The following HECTD4 variants were observed in gnomAD, a reference collection of about 807,000 sequenced individuals.
HECTD4 encodes HECT domain E3 ubiquitin protein ligase 4.
Under a neutral mutation model 471.5 loss-of-function variants are expected in HECTD4, and 114 were observed. The ratio of observed to expected loss-of-function variants is 0.24; its 90% confidence interval spans 0.21 to 0.28. The LOEUF is 0.28. HECTD4 is among the 10% of genes least tolerant of loss of function. HECTD4 has a pLI of 1.00. For missense variants in HECTD4, 3,866 were observed against 5,651.5 expected (o/e 0.68, Z 10.13); for synonymous variants, 2,012 against 2,256.0 (o/e 0.89, Z 3.07).
chr12:112,243,269 C>G lies in HECTD4; in HGVS notation c.4958+84G>C. 8.3e-7 allele frequency: 1 copy of G among 1,208,752 alleles called. No homozygotes were observed. Among genetic ancestry groups the G allele is most frequent in the Non-Finnish European group, 1.2e-6 (1 of 861,902 alleles). 74.9% of individuals were successfully genotyped at this position (1,208,752 alleles called of 1,614,324 possible). A position where few individuals can be genotyped will look rare whatever the true frequency, so the allele number is the denominator to read the frequency against. On this transcript the variant is annotated intron_variant, in intron 32 of 75. Transcript: ENST00000682272. The surrounding 1 kb of genome is among the most constrained non-coding windows in gnomAD (Gnocchi z 6.6). ...AGGAAAACATTAGCAAATACTACCG[C>G]CTATGTTTGGGTCCCAAGAATAATC...
In HECTD4 at chr12:112,253,282, G is replaced by A. The variant is rs138891862; in HGVS notation, c.3448-754C>T. 2.2e-3 allele frequency among the ~76,000 whole-genome samples: 329 copies of A among 151,928 alleles called. 2 individuals are homozygous for A. Among genetic ancestry groups the A allele is most frequent in the Admixed American group, 4.3e-3 (66 of 15,252 alleles). ...TGGCATGACAGACACACACCACCAC[G>A]CCCGGCTAATTTTTGTATTTTTAGT... On this transcript the variant is annotated intron_variant, in intron 22 of 75. Transcript: ENST00000682272.
chr12:112,212,824 C>T (rs1387240857), intron 48 of HECTD4, among the ~76,000 whole-genome samples, 174 bp from the exon 49 acceptor site: 4 of 152,152 alleles, frequency 2.6e-5, no homozygotes, highest in African/African-American at 9.7e-5. Context: ...GAGACGGAGT[C>T]TCACTCTGTT....
intron 1 of HECTD4, among the ~76,000 whole-genome samples, chr12:112,325,982 T>A (rs1260524071): frequency 6.6e-6 from 1 of 151,650 alleles, no homozygotes; most frequent in Non-Finnish European, 1.5e-5. Context: ...ATAGACAGGG[T>A]CTCGCTATGT....
At chr12:112,334,763 T>A (rs1246462863) in intron 1 of HECTD4, among the ~76,000 whole-genome samples, 1 of 143,340 alleles carries the variant, frequency 7.0e-6, no homozygotes, top group Non-Finnish European at 1.5e-5. Context: ...TGAGGAGAGA[T>A]CCTGCCATTG....
At chr12:112,363,512 C>T (rs2135751315) in intron 1 of HECTD4, among the ~76,000 whole-genome samples, 1 of 152,284 alleles carries the variant, frequency 6.6e-6, no homozygotes, top group Non-Finnish European at 1.5e-5. Context: ...AAGTTCACTA[C>T]TTGATCATAG....
At chr12:112,212,887 C>A (rs2032804657) in intron 48 of HECTD4, among the ~76,000 whole-genome samples, 1 of 152,146 alleles carries the variant, frequency 6.6e-6, no homozygotes, top group Non-Finnish European at 1.5e-5. Context: ...CCTCTGCCTC[C>A]CAGGTTCAAG....
rs760947859 is a variant in HECTD4 at position 112,304,238 on chromosome 12, ATTTTT to A, written c.1335+1821_1335+1825del. Among the ~76,000 whole-genome samples the A allele has an allele frequency of 3.8e-5, 4 of 104,398 alleles. No homozygotes were observed. In the East Asian group the frequency reaches 1.7e-3, roughly 46 times the overall value. The allele number at this position is 104,398 out of a possible 152,430, so 68.5% of individuals were successfully genotyped here. On this transcript the variant is annotated intron_variant, in intron 7 of 75. Coordinates refer to ENST00000682272, the MANE Select transcript of HECTD4 (RefSeq NM_001388303.1). ...CCATTATTCTTAGGCTAAAGACCTAATTTTTTTTTTTTTTTTTTTTTTTTGAGACA... is the reference window on the plus strand; with the variant it reads ...CCATTATTCTTAGGCTAAAGACCTAATTTTTTTTTTTTTTTTTTTGAGACA...
chr12:112,298,822 C>T (rs948787666), intron 7 of HECTD4, among the ~76,000 whole-genome samples: 1 of 149,736 alleles, frequency 6.7e-6, no homozygotes, highest in African/African-American at 2.5e-5. Context: ...GTATAGGTTG[C>T]AGTCAGCCGA....
chr12:112,240,454 C>T (rs1032509543), intron 32 of HECTD4, among the ~76,000 whole-genome samples: 5 of 142,748 alleles, frequency 3.5e-5, no homozygotes, highest in Non-Finnish European at 7.7e-5. Flanking sequence ...CTTTTCTTTT[C>T]TTTTTTTTTT....
chr12:112,316,870 C>T (rs2035490802), intron 2 of HECTD4, among the ~76,000 whole-genome samples: 2 of 150,420 alleles, frequency 1.3e-5, no homozygotes, highest in African/African-American at 4.9e-5. Context: ...AAAAAAAACC[C>T]AAGAAGAATA....
intron 1 of HECTD4, among the ~76,000 whole-genome samples, chr12:112,378,165 T>C (rs899697550): frequency 1.4e-4 from 22 of 152,260 alleles, no homozygotes; most frequent in African/African-American, 5.3e-4. Context: ...AGAACTTCTT[T>C]CTAAAATGAG....
rs2031130241 is a variant in HECTD4, at chr12:112,169,595, G to A, written c.12116C>T (p.Pro4039Leu). 4 of 1,613,646 alleles carry A rather than the reference G, an allele frequency of 2.5e-6. No homozygotes were observed. Among genetic ancestry groups the A allele is most frequent in the South Asian group, 1.1e-5 (1 of 91,084 alleles). The change falls in exon 70 of 76, where the codon CCG becomes CTG. Residue 4039 changes from proline to leucine, a missense_variant. Around this residue, in one of 16 missense-constraint regions of HECTD4, gnomAD observed 715 missense variants for 1,087.6 expected, o/e 0.66. Transcript: ENST00000682272. Reference protein sequence around the residue: ...CQAARQLASVPSSQLCVKLAS... With the variant: ...CQAARQLASVLSSQLCVKLAS... Reference sequence around the variant, plus strand: ...CAGCTTGACGCAGAGCTGAGACGACGGCACTGAGGCCAGCTGCCTGGCAGC... The same window carrying A: ...CAGCTTGACGCAGAGCTGAGACGACAGCACTGAGGCCAGCTGCCTGGCAGC...
At chr12:112,195,251 T>C (rs1470988751) in intron 55 of HECTD4, among the ~76,000 whole-genome samples, 185 bp from the exon 56 acceptor site, 2 of 152,220 alleles carry the variant, frequency 1.3e-5, no homozygotes, top group Non-Finnish European at 2.9e-5. Context: ...ATTGTTACGT[T>C]TGATTTTTCC....
In HECTD4 at chr12:112,184,182, G is replaced by A; in HGVS notation, c.10779+5C>T. 6.2e-7 allele frequency: 1 copy of A among 1,600,698 alleles called. No homozygotes were observed. The highest frequency in any genetic ancestry group is 8.5e-7 in the Non-Finnish European group (1 of 1,172,276). On this transcript the variant is annotated splice_donor_5th_base_variant and intron_variant, in intron 61 of 75. Coordinates refer to ENST00000682272, the MANE Select transcript of HECTD4 (RefSeq NM_001388303.1). This position sits in a 1 kb window ranked among gnomAD's most constrained non-coding sequence, Gnocchi z 9.1. Reference sequence around the variant, plus strand: ...TAGTGGTTGCAGAGGCTTGAAAGCTGTTACCTCCACGACTGCGAAGCCTTT... The same window carrying A: ...TAGTGGTTGCAGAGGCTTGAAAGCTATTACCTCCACGACTGCGAAGCCTTT...
chr12:112,255,138 A>G (rs2033979582), intron 21 of HECTD4, among the ~76,000 whole-genome samples: 1 of 152,258 alleles, frequency 6.6e-6, no homozygotes, highest in African/African-American at 2.4e-5. Context: ...GGCATAAGTT[A>G]GCGCATATTG....
chr12:112,267,072 C>A, intron 13 of HECTD4, 90 bp from the exon 14 acceptor site: 1 of 768,892 alleles, frequency 1.3e-6, no homozygotes, highest in Non-Finnish European at 2.2e-6. Flanking sequence ...TTAAAGATGT[C>A]AATTGGATGT....
rs774483717 is a variant in HECTD4, at chr12:112,163,259, G to A, written c.12903C>T (p.His4301=). ...CCATCAGCCCCACTTGGTACATGGT[G>A]TGGGCCTGGGGAGGAGAGGTCCAGG... The part of the protein sequence containing the change: ...PYINLEFLKA[H]TMYQVGLMET... Residue 4301 remains histidine (H), a synonymous_variant, in exon 75 of 76, where the codon CAC becomes CAT. Coordinates refer to ENST00000682272, the MANE Select transcript of HECTD4 (RefSeq NM_001388303.1). This position sits in a 1 kb window ranked among gnomAD's most constrained non-coding sequence, Gnocchi z 8.2. 4 of 1,612,308 alleles carry A rather than the reference G, an allele frequency of 2.5e-6. No individual in the cohort carries two copies. The highest frequency in any genetic ancestry group is 1.3e-5 in the African/African-American group (1 of 74,938).
chr12:112,268,342 G>A (rs1757298442), intron 13 of HECTD4, among the ~76,000 whole-genome samples: 1 of 152,154 alleles, frequency 6.6e-6, no homozygotes, highest in South Asian at 2.1e-4. Flanking sequence ...TGCTGTGGAA[G>A]GAAAACAACT....
At chr12:112,226,205 ACACT>A (rs202116591) in intron 44 of HECTD4, among the ~76,000 whole-genome samples, 32 of 144,690 alleles carry the variant, frequency 2.2e-4, no homozygotes, top group East Asian at 8.6e-4. Flanking sequence ...ACACACACAC[ACACT>A]CACACACACA....
Sources: allele counts gnomAD v4.1 joint callset (sites outside exome capture counted in the v4.1 genomes callset), GRCh38; gene constraint gnomAD v4.1.1; regional missense constraint gnomAD v4.1.1; non-coding constraint Gnocchi (gnomAD v3.1); transcripts MANE v1.5; gene names NCBI Gene and HGNC (gene_info 2026-07-23, HGNC 2026-07-21).